The following CDH13 variants were observed in gnomAD, a reference collection of about 807,000 sequenced individuals.
CDH13 encodes the protein cadherin 13, also known as cadherin-13.
Under a neutral mutation model 63.8 loss-of-function variants are expected in CDH13, and 24 were observed. The ratio of observed to expected loss-of-function variants is 0.38; its 90% CI spans 0.27 to 0.53. The LOEUF (loss-of-function observed/expected upper bound fraction) is 0.53, where lower values mean the gene tolerates loss of function less well. Ranked by LOEUF, CDH13 falls within the 20% of genes least tolerant of loss-of-function variation. CDH13 has a pLI of 0.85. For missense variants in CDH13, 1,049 were observed against 903.1 expected, an observed-to-expected ratio of 1.16 and a Z score of -2.07; for synonymous variants, 503 against 355.3, an observed-to-expected ratio of 1.42 and a Z score of -4.67.
At chr16:82,905,914 C>T (rs1444026903) in intron 2 of CDH13, among the ~76,000 whole-genome samples, 1 of 152,150 alleles carries the variant, frequency 6.6e-6, no homozygotes, top group Admixed American at 6.5e-5. Context: ...TCTCCTTTTT[C>T]TCTTTTCCCA....
chr16:83,726,737 C>G (rs1230609062), intron 10 of CDH13, among the ~76,000 whole-genome samples: 1 of 152,024 alleles, frequency 6.6e-6, no homozygotes, highest in Non-Finnish European at 1.5e-5. Flanking sequence ...ACTCGCGAGG[C>G]TGAGGCAGGG....
At chr16:83,216,631 T>G (rs1254192197) in intron 4 of CDH13, among the ~76,000 whole-genome samples, 1 of 144,270 alleles carries the variant, frequency 6.9e-6, no homozygotes, top group Non-Finnish European at 1.5e-5. Flanking sequence ...TACATAGGGG[T>G]TTAATATATA....
intron 1 of CDH13, among the ~76,000 whole-genome samples, chr16:82,788,849 T>C (rs950718880): frequency 6.6e-6 from 1 of 152,192 alleles, no homozygotes; most frequent in Non-Finnish European, 1.5e-5. Flanking sequence ...ATAATTGACA[T>C]GCATGACTCT....
At chr16:83,669,847 G>C (rs2150854792) in intron 8 of CDH13, among the ~76,000 whole-genome samples, 1 of 152,128 alleles carries the variant, frequency 6.6e-6, no homozygotes, top group East Asian at 1.9e-4. Context: ...CAGCTTATTG[G>C]TGTTACTTGT....
rs921415110 is a variant in CDH13, at chr16:83,570,792, TTATATTTATAAATATA to T, written c.961-31645_961-31630del. 2.2e-4 allele frequency among the ~76,000 whole-genome samples: 30 copies of T among 137,646 alleles called. No homozygotes were observed. The East Asian group carries it at 2.2e-3, about 10-fold the overall frequency. 90.3% of individuals were successfully genotyped at this position (137,646 alleles called of 152,430 possible). ...ATATGAATAAAATATATTTTATATT[TTATATTTATAAATATA>T]TATATTTATAAATATAAATAAAAAT... On this transcript the variant is annotated intron_variant, in intron 7 of 13. Coordinates refer to ENST00000567109, the MANE Select transcript of CDH13 (RefSeq NM_001257.5).
intron 3 of CDH13, among the ~76,000 whole-genome samples, chr16:83,057,184 C>G (rs1193678930): frequency 6.6e-6 from 1 of 152,098 alleles, no homozygotes; most frequent in African/African-American, 2.4e-5. Flanking sequence ...CCAGGATGGT[C>G]TTGATCTCCT....
chr16:83,072,375 G>A (rs2032504072), intron 3 of CDH13, among the ~76,000 whole-genome samples: 1 of 152,174 alleles, frequency 6.6e-6, no homozygotes, highest in Non-Finnish European at 1.5e-5. Flanking sequence ...CATATGTTGG[G>A]CATGTACATT....
At chr16:83,485,470 A>G (rs560761994) in intron 6 of CDH13, among the ~76,000 whole-genome samples, 4 of 152,306 alleles carry the variant, frequency 2.6e-5, no homozygotes, top group African/African-American at 9.6e-5. Context: ...TTGTGAGTGA[A>G]CCCAACCATG....
At chr16:82,981,792 A>C (rs1050784540) in intron 2 of CDH13, among the ~76,000 whole-genome samples, 1 of 152,086 alleles carries the variant, frequency 6.6e-6, no homozygotes, top group Non-Finnish European at 1.5e-5. Context: ...TGAATGTTCT[A>C]CCCAATTTTC....
intron 10 of CDH13, among the ~76,000 whole-genome samples, chr16:83,693,275 A>T (rs893332158): frequency 2.0e-5 from 3 of 152,170 alleles, no homozygotes; most frequent in African/African-American, 7.2e-5. Context: ...TTATGGAGTC[A>T]CTGTGATGGA....
chr16:83,787,263 TTTGTG>T (rs1450064012), intron 13 of CDH13, among the ~76,000 whole-genome samples: 5 of 152,244 alleles, frequency 3.3e-5, no homozygotes, highest in South Asian at 2.1e-4. Flanking sequence ...GCCAGGTGGC[TTTGTG>T]GGCCATATTA....
At chr16:82,661,050 C>G (rs549464534) in intron 1 of CDH13, among the ~76,000 whole-genome samples, 11 of 152,288 alleles carry the variant, frequency 7.2e-5, no homozygotes, top group African/African-American at 2.2e-4. Flanking sequence ...GTCAGGTCTC[C>G]GTGAAGGAAA....
chr16:83,378,180 A>C (rs550597494), intron 6 of CDH13, among the ~76,000 whole-genome samples: 11 of 152,186 alleles, frequency 7.2e-5, no homozygotes, highest in Non-Finnish European at 1.3e-4. Context: ...ATGCTGTGCA[A>C]GTGCTTTCGG....
intron 10 of CDH13, among the ~76,000 whole-genome samples, chr16:83,684,786 C>T (rs367699909): frequency 6.8e-4 from 104 of 152,302 alleles, no homozygotes; most frequent in Non-Finnish European, 1.2e-3. Context: ...GGGAGCCCTG[C>T]GAGTATATGT....
At chr16:82,648,477 G>A (rs991892472) in intron 1 of CDH13, among the ~76,000 whole-genome samples, 4 of 152,164 alleles carry the variant, frequency 2.6e-5, no homozygotes, top group African/African-American at 9.7e-5. Context: ...AACCATTAAA[G>A]AGGATGGTTA....
chr16:83,788,608 C>G lies in CDH13; in HGVS notation c.2134+5136C>G, dbSNP rs1214643632. 2.0e-5 allele frequency among the ~76,000 whole-genome samples: 3 copies of G among 152,150 alleles called. No homozygotes were observed. The East Asian group carries it at 5.8e-4, about 29-fold the overall frequency. ...TTGCCAAGGATTTCCCACTTCTCATCTCTCAACTGAGCTCTTGGGTCAAGT... is the reference window on the plus strand; with the variant it reads ...TTGCCAAGGATTTCCCACTTCTCATGTCTCAACTGAGCTCTTGGGTCAAGT... On this transcript the variant is annotated intron_variant, in intron 13 of 13. Transcript: ENST00000567109.
rs144140805 is a variant in CDH13 at position 83,230,577 on chromosome 16, G to A, written c.636+13080G>A. Among the ~76,000 whole-genome samples the A allele has an allele frequency of 1.4e-3, 212 of 152,318 alleles. 1 individual carries two copies. Among genetic ancestry groups the A allele is most frequent in the African/African-American group, 4.9e-3 (202 of 41,570 alleles). ...GAGGCTGGAAGATCACCTGAGGTCA[G>A]GAGTTTGAGACCAACCTGGCAAGAG... On this transcript the variant is annotated intron_variant, in intron 5 of 13. Transcript: ENST00000567109.
chr16:82,660,274 C>T (rs1266567135), intron 1 of CDH13, among the ~76,000 whole-genome samples: 1 of 151,958 alleles, frequency 6.6e-6, no homozygotes, highest in Non-Finnish European at 1.5e-5. Context: ...CAGGCAGATG[C>T]AAGTAAAATG....
chr16:83,479,032 A>C (rs1020734002), intron 6 of CDH13, among the ~76,000 whole-genome samples: 2 of 152,120 alleles, frequency 1.3e-5, no homozygotes, highest in Non-Finnish European at 2.9e-5. Context: ...CTGGATCCCT[A>C]TCAGGTTGGT....
Sources: gnomAD v4.1 joint callset for allele counts (sites outside exome capture counted in the v4.1 genomes callset) on GRCh38, gnomAD v4.1.1 for gene constraint, MANE v1.5 for transcripts, NCBI Gene and HGNC (gene_info 2026-07-23, HGNC 2026-07-21) for gene names.